NFIX: variants seen among roughly 807,000 people sequenced by gnomAD.
NFIX encodes the protein nuclear factor I X, also known as nuclear factor 1 X-type.
NFIX carries 2 observed loss-of-function variants against 53.3 expected under a neutral mutation model. The observed-to-expected ratio is 0.04, with a 90% confidence interval of 0.02 to 0.12. NFIX has a LOEUF of 0.12. Ranked by LOEUF, NFIX falls within the 10% of genes least tolerant of loss-of-function variation. NFIX has a pLI of 1.00. For synonymous variants in NFIX, 244 were observed against 289.0 expected, an observed-to-expected ratio of 0.84 and a Z score of 1.58; for missense variants, 310 against 674.5, an observed-to-expected ratio of 0.46 and a Z score of 5.99.
chr19:13,033,984 A>G (rs1203240791), intron 2 of NFIX, among the ~76,000 whole-genome samples: 2 of 152,140 alleles, frequency 1.3e-5, no homozygotes, highest in East Asian at 1.9e-4. Context: ...TATTGTATCT[A>G]CTGTACAGAG....
At chr19:13,047,717 C>T (rs2015075958) in intron 2 of NFIX, among the ~76,000 whole-genome samples, 3 of 152,132 alleles carry the variant, frequency 2.0e-5, no homozygotes, top group African/African-American at 7.2e-5. Flanking sequence ...TCCCGGACAT[C>T]CCCACGTACT....
In NFIX at chr19:13,024,046, A is replaced by AT. The variant is rs1411110129; in HGVS notation, c.28-969dup. On this transcript the variant is annotated intron_variant, in intron 1 of 10. Coordinates refer to ENST00000592199, the MANE Select transcript of NFIX (RefSeq NM_001365902.3). ...GCTTCAGATCAATGGTAATTATTTA[A>AT]TTTTTTCCAGTTTTATTTTTGTAAA... is the stretch of plus-strand genomic sequence containing the variant. 6.9e-6 allele frequency: 10 copies of AT among 1,456,024 alleles called. No individual in the cohort carries two copies. In the Admixed American group the frequency reaches 1.1e-4, roughly 16 times the overall value. 90.2% of individuals were successfully genotyped at this position (1,456,024 alleles called of 1,614,324 possible). A position where few individuals can be genotyped will look rare whatever the true frequency, so the allele number is the denominator to read the frequency against.
rs577946482 is a variant in NFIX, at chr19:13,006,746, C to T, written c.27+10882C>T. ...GGTTCCCCAACTCCCACCAGGGCCC[C>T]AGATTCTCTCCACCCCCAAAGCTCC... On this transcript the variant is annotated intron_variant, in intron 1 of 10. Coordinates refer to ENST00000592199, the MANE Select transcript of NFIX (RefSeq NM_001365902.3). This position sits in a 1 kb window ranked among gnomAD's most constrained non-coding sequence, Gnocchi z 5.6. Among the ~76,000 whole-genome samples the T allele has an allele frequency of 8.5e-5, 13 of 152,338 alleles. No individual in the cohort carries two copies. The South Asian group carries it at 2.1e-3, about 24-fold the overall frequency.
chr19:13,035,759 A>G (rs185754616), intron 2 of NFIX, among the ~76,000 whole-genome samples: 1 of 152,290 alleles, frequency 6.6e-6, no homozygotes, highest in Non-Finnish European at 1.5e-5. Context: ...ATCAATTCAT[A>G]TATCAAGTAA....
At chr19:13,026,740 C>CTCTT in intron 2 of NFIX, among the ~76,000 whole-genome samples, 1 of 150,730 alleles carries the variant, frequency 6.6e-6, no homozygotes, top group Non-Finnish European at 1.5e-5. Flanking sequence ...CTCTCTCTCT[C>CTCTT]TCTCTGTGTG....
chr19:13,042,355 CTTTTTTTTTTT>C (rs35785662), intron 2 of NFIX, among the ~76,000 whole-genome samples: 3 of 100,574 alleles, frequency 3.0e-5, no homozygotes, highest in Non-Finnish European at 3.8e-5. Flanking sequence ...CTTTTACATG[CTTTTTTTTTTT>C]TTTTTTTTTG....
intron 2 of NFIX, among the ~76,000 whole-genome samples, chr19:13,064,686 C>A (rs1199467037): frequency 6.6e-6 from 1 of 152,164 alleles, no homozygotes; most frequent in Non-Finnish European, 1.5e-5. Flanking sequence ...AAACTGCAAT[C>A]TAGGACACAC....
Position 13,075,614 on chromosome 19 carries a change from C to T in NFIX, c.898C>T (p.Arg300Cys), listed in dbSNP as rs775717269. Residue 300 changes from arginine (R) to cysteine (C), a missense_variant, in exon 6 of 11, where the codon CGT becomes TGT. Around this residue, in one of 5 missense-constraint regions of NFIX, gnomAD observed 164 missense variants for 284.4 expected, o/e 0.58. Coordinates refer to ENST00000592199, the MANE Select transcript of NFIX (RefSeq NM_001365902.3). ...TGACGTGTTCTATCCCGGGACAGGC[C>T]GTTCCCCAGCAGCTGGCAGCAGCCA... ...VDDVFYPGTG[R>C]SPAAGSSQSS... The T allele has an allele frequency of 1.2e-6, 2 of 1,613,618 alleles. No homozygotes were observed. Among genetic ancestry groups the T allele is most frequent in the East Asian group, 2.2e-5 (1 of 44,880 alleles).
At chr19:13,054,935 T>C (rs1300516989) in intron 2 of NFIX, among the ~76,000 whole-genome samples, 1 of 152,038 alleles carries the variant, frequency 6.6e-6, no homozygotes, top group East Asian at 1.9e-4. Context: ...TTTCCCCCCC[T>C]CTTGTTAAAA....
In NFIX at chr19:13,081,982, G is replaced by A; in HGVS notation, c.1254+127G>A. On this transcript the variant is annotated intron_variant, in intron 8 of 10. Coordinates refer to ENST00000592199, the MANE Select transcript of NFIX (RefSeq NM_001365902.3). This position sits in a 1 kb window ranked among gnomAD's most constrained non-coding sequence, Gnocchi z 4.7. The stretch of plus-strand genomic sequence containing the variant: ...CCTGGGGCTGGAGCAGCAGGGAGCT[G>A]GTAGTACCAAACGCCTCGATTTTCT... 1 of 1,123,480 alleles carries A rather than the reference G, an allele frequency of 8.9e-7. No homozygotes were observed. Among genetic ancestry groups the A allele is most frequent in the Non-Finnish European group, 1.3e-6 (1 of 790,456 alleles). The allele number at this position is 1,123,480 out of a possible 1,614,324, so 69.6% of individuals were successfully genotyped here.
Position 13,014,406 on chromosome 19 carries a change from G to A in NFIX, c.28-10615G>A, listed in dbSNP as rs1599721287. ...AAAGGAAGAAAGGAGCCGGGCTCTG[G>A]TACCCCGATGCCAGCCGAGGGCGCG... On this transcript the variant is annotated intron_variant, in intron 1 of 10. Coordinates refer to ENST00000592199, the MANE Select transcript of NFIX (RefSeq NM_001365902.3). The surrounding 1 kb of genome is among the most constrained non-coding windows in gnomAD (Gnocchi z 4.4). 6.6e-6 allele frequency: 1 copy of A among 152,262 alleles called. No homozygotes were observed. Among genetic ancestry groups the A allele is most frequent in the Non-Finnish European group, 1.5e-5 (1 of 68,054 alleles). The allele number at this position is 152,262 out of a possible 1,614,324, so 9.4% of individuals were successfully genotyped here.
intron 1 of NFIX, among the ~76,000 whole-genome samples, chr19:13,017,877 C>T (rs890108745): frequency 6.6e-6 from 1 of 152,206 alleles, no homozygotes; most frequent in East Asian, 1.9e-4. Context: ...GGGCCCTTGG[C>T]CACCATGAAG....
chr19:13,012,737 G>GA lies in NFIX; in HGVS notation c.28-12283dup, dbSNP rs200920588. Among the ~76,000 whole-genome samples the GA allele has an allele frequency of 7.8e-3, 1,189 of 152,332 alleles. 20 individuals carry two copies. The highest frequency in any genetic ancestry group is 0.027 in the African/African-American group (1,109 of 41,574). The stretch of plus-strand genomic sequence containing the variant: ...TTGCTGTGATTCTTTGGGTGCTTGG[G>GA]AGAGTTTGGGGTTTAACTGCCCCCA... On this transcript the variant is annotated intron_variant, in intron 1 of 10. Transcript: ENST00000592199. This position sits in a 1 kb window ranked among gnomAD's most constrained non-coding sequence, Gnocchi z 5.0.
chr19:13,033,111 CTGA>C (rs1383870844), intron 2 of NFIX, among the ~76,000 whole-genome samples: 1 of 152,154 alleles, frequency 6.6e-6, no homozygotes, highest in Non-Finnish European at 1.5e-5. Flanking sequence ...GATGGCATTT[CTGA>C]TGATAGGTTT....
At position 13,025,281 on chromosome 19, in the gene NFIX, G is replaced by C; in HGVS notation, c.288G>C (p.Thr96=). ...EFREDFVLTI[T]GKKPPCCVLS... ...GCGAGGACTTCGTGCTGACCATCAC[G>C]GGCAAGAAGCCCCCCTGCTGCGTGC... is the stretch of plus-strand genomic sequence containing the variant. Residue 96 remains threonine, a synonymous_variant, in exon 2 of 11, where the codon ACG becomes ACC. Transcript: ENST00000592199. This position sits in a 1 kb window ranked among gnomAD's most constrained non-coding sequence, Gnocchi z 7.5. The C allele has an allele frequency of 6.2e-7, 1 of 1,614,084 alleles. No homozygotes were observed. The highest frequency in any genetic ancestry group is 8.5e-7 in the Non-Finnish European group (1 of 1,179,942).
chr19:13,046,472 C>A (rs755215001), intron 2 of NFIX, among the ~76,000 whole-genome samples: 8 of 151,732 alleles, frequency 5.3e-5, no homozygotes, highest in Middle Eastern at 3.2e-3. Context: ...CCTTCCCCCC[C>A]CCTCTTTTTT....
At chr19:13,080,913 T>G (rs1375803575) in intron 7 of NFIX, among the ~76,000 whole-genome samples, 1 of 151,744 alleles carries the variant, frequency 6.6e-6, no homozygotes, top group African/African-American at 2.4e-5. Context: ...GGCAGGAGAA[T>G]GGCGTGAACC....
intron 6 of NFIX, among the ~76,000 whole-genome samples, chr19:13,076,826 C>T (rs1335551623): frequency 6.6e-6 from 1 of 152,092 alleles, no homozygotes; most frequent in Non-Finnish European, 1.5e-5. Flanking sequence ...CTGGCAGCTT[C>T]TCCTCCTCCT....
intron 2 of NFIX, among the ~76,000 whole-genome samples, chr19:13,054,209 GGGGGTT>G (rs986594324): frequency 7.8e-4 from 119 of 152,334 alleles, no homozygotes; most frequent in African/African-American, 2.7e-3. Context: ...GGCCTTCGGT[GGGGGTT>G]GGGGGACAAG....
Sources: gnomAD v4.1 joint callset for allele counts (sites outside exome capture counted in the v4.1 genomes callset) on GRCh38, gnomAD v4.1.1 for gene constraint, gnomAD v4.1.1 regional missense constraint, Gnocchi (gnomAD v3.1) non-coding constraint, MANE v1.5 for transcripts, NCBI Gene and HGNC (gene_info 2026-07-23, HGNC 2026-07-21) for gene names.